ATCAY: variants seen among roughly 807,000 people sequenced by gnomAD.
The protein encoded by ATCAY is caytaxin.
Under a neutral mutation model 47.7 loss-of-function variants are expected in ATCAY, and 22 were observed. The observed-to-expected ratio is 0.46, with a 90% CI of 0.33 to 0.66. ATCAY has a LOEUF of 0.66. Ranked by LOEUF, ATCAY falls within the 30% of genes least tolerant of loss-of-function variation. ATCAY has a pLI of 0.02. For synonymous variants in ATCAY, 216 were observed against 207.6 expected (o/e 1.04, Z -0.35); for missense variants, 452 against 515.0 (o/e 0.88, Z 1.18).
intron 2 of ATCAY, among the ~76,000 whole-genome samples, chr19:3,894,529 T>C (rs2038747922): frequency 6.9e-6 from 1 of 145,278 alleles, no homozygotes; most frequent in African/African-American, 2.6e-5. Context: ...TAGTGTGTGC[T>C]GGTAGTCCCA....
Position 3,907,589 on chromosome 19 carries a change from T to C in ATCAY, c.359-145T>C. The C allele has an allele frequency of 1.0e-6, 1 of 972,152 alleles. No homozygotes were observed. Among genetic ancestry groups the C allele is most frequent in the Admixed American group, 2.7e-5 (1 of 36,966 alleles). 60.2% of individuals were successfully genotyped at this position (972,152 alleles called of 1,614,324 possible). On this transcript the variant is annotated intron_variant, in intron 4 of 12. Transcript: ENST00000450849. This position sits in a 1 kb window ranked among gnomAD's most constrained non-coding sequence, Gnocchi z 5.1. ...AAGGGGAGTAGGAGAGGAAAATGGGTCAGCAGGGCAGCCAGGTGGGGAGAA... is the reference window on the plus strand; with the variant it reads ...AAGGGGAGTAGGAGAGGAAAATGGGCCAGCAGGGCAGCCAGGTGGGGAGAA...
intron 8 of ATCAY, 39 bp downstream of exon 8, chr19:3,910,928 A>G (rs1031890932): frequency 4.4e-6 from 7 of 1,593,724 alleles, no homozygotes; most frequent in African/African-American, 1.3e-5. Flanking sequence ...CAGTGGCCTC[A>G]GTGTGCGTGT....
At position 3,917,584 on chromosome 19, in the gene ATCAY, C is replaced by CAAAAAAAAA. The variant is rs71166940; in HGVS notation, c.966-140_966-132dup. Among the ~76,000 whole-genome samples the CAAAAAAAAA allele has an allele frequency of 6.1e-4, 25 of 40,824 alleles. 1 individual carries two copies. The highest frequency in any genetic ancestry group is 2.0e-3 in the African/African-American group (19 of 9,580). 26.8% of individuals were successfully genotyped at this position (40,824 alleles called of 152,430 possible). On this transcript the variant is annotated intron_variant, in intron 9 of 12. Coordinates refer to ENST00000450849, the MANE Select transcript of ATCAY (RefSeq NM_033064.5). ...TGGGCGACAGTGCAAGACTCCATCT[C>CAAAAAAAAA]AAAAAAAAAAAAAAAAAAAAAAAAA...
chr19:3,917,064 C>T (rs1269850386), intron 9 of ATCAY, among the ~76,000 whole-genome samples: 1 of 152,112 alleles, frequency 6.6e-6, no homozygotes, highest in Non-Finnish European at 1.5e-5. Flanking sequence ...GCCTCGGCCT[C>T]CCAAAGTTCT....
At chr19:3,906,282 G>A (rs1017338370) in intron 4 of ATCAY, among the ~76,000 whole-genome samples, 10 of 151,588 alleles carry the variant, frequency 6.6e-5, no homozygotes, top group Non-Finnish European at 1.5e-4. Flanking sequence ...GCCAGGAGGA[G>A]GGTCCATCCG....
At position 3,902,384 on chromosome 19, in the gene ATCAY, C is replaced by T. The variant is rs2038822971; in HGVS notation, c.78-103C>T. ...GAACTAAATGTGTTTTGCTTTTGTT[C>T]TTGTCTGACTCGCCTGGCTGGACCT... On this transcript the variant is annotated intron_variant, in intron 2 of 12. Transcript: ENST00000450849. 4.6e-6 allele frequency: 5 copies of T among 1,076,166 alleles called. No individual in the cohort carries two copies. In the South Asian group the frequency reaches 6.7e-5, roughly 14 times the overall value. The allele number at this position is 1,076,166 out of a possible 1,614,324, so 66.7% of individuals were successfully genotyped here.
At chr19:3,917,582 C>G (rs1363859666) in intron 9 of ATCAY, among the ~76,000 whole-genome samples, 160 bp from the exon 10 acceptor site, 1 of 30,326 alleles carries the variant, frequency 3.3e-5, no homozygotes, top group Non-Finnish European at 5.3e-5. Flanking sequence ...AAGACTCCAT[C>G]TCAAAAAAAA....
At chr19:3,885,109 TAAAAAAAAAAAA>T (rs34258948) in intron 1 of ATCAY, among the ~76,000 whole-genome samples, 3 of 70,312 alleles carry the variant, frequency 4.3e-5, no homozygotes, top group South Asian at 4.8e-4. Context: ...TTTTTTTTTT[TAAAAAAAAAAAA>T]AAAAAAAAAA....
chr19:3,885,123 A>AC (rs1296290679), intron 1 of ATCAY, among the ~76,000 whole-genome samples: 7 of 149,584 alleles, frequency 4.7e-5, no homozygotes, highest in Admixed American at 6.7e-5. Context: ...AAAAAAAAAA[A>AC]AAAAAAAAAA....
chr19:3,906,590 A>T (rs2038863307), intron 4 of ATCAY, among the ~76,000 whole-genome samples: 1 of 151,946 alleles, frequency 6.6e-6, no homozygotes, highest in Non-Finnish European at 1.5e-5. Flanking sequence ...GGTGTGAGCC[A>T]CGGCGCCCAG....
rs1477293120 is a variant in ATCAY, at chr19:3,923,835, G to GAT, written c.1107-748_1107-747insAT. On this transcript the variant is annotated intron_variant, in intron 12 of 12. Coordinates refer to ENST00000450849, the MANE Select transcript of ATCAY (RefSeq NM_033064.5). ...AGATGGATGAATGGATGGGTGGGTG[G>GAT]GTGGATGGATGGATGGATGGATGGA... 6.3e-4 allele frequency among the ~76,000 whole-genome samples: 95 copies of GAT among 150,884 alleles called. 1 individual carries two copies. Among genetic ancestry groups the GAT allele is most frequent in the African/African-American group, 2.2e-3 (91 of 40,990 alleles).
intron 2 of ATCAY, among the ~76,000 whole-genome samples, chr19:3,888,579 G>A (rs371065514): frequency 1.8e-3 from 278 of 152,138 alleles, no homozygotes; most frequent in African/African-American, 6.3e-3. Context: ...GCAGTGAGCC[G>A]AGATCGCGCC....
intron 11 of ATCAY, among the ~76,000 whole-genome samples, chr19:3,919,819 G>T (rs148477454): frequency 7.2e-5 from 11 of 151,922 alleles, no homozygotes; most frequent in Non-Finnish European, 1.5e-4. Context: ...TCATAATGAT[G>T]AAAGGTGACC....
At chr19:3,917,465 G>A (rs184385193) in intron 9 of ATCAY, among the ~76,000 whole-genome samples, 3 of 150,294 alleles carry the variant, frequency 2.0e-5, no homozygotes, top group African/African-American at 4.9e-5. Flanking sequence ...GTGCCTGTAA[G>A]TCCCAGCTAC....
intron 12 of ATCAY, among the ~76,000 whole-genome samples, chr19:3,922,986 C>T (rs2039033491): frequency 6.6e-6 from 1 of 152,116 alleles, no homozygotes; most frequent in Non-Finnish European, 1.5e-5. Flanking sequence ...ACCTCGTGAT[C>T]CACCCGCTTC....
intron 2 of ATCAY, 150 bp from the exon 3 acceptor site, chr19:3,902,337 A>G (rs1466007841): frequency 4.1e-6 from 3 of 732,600 alleles, no homozygotes; most frequent in Non-Finnish European, 7.2e-6. Flanking sequence ...AAATGTATAT[A>G]TTTAGGTCCA....
At chr19:3,918,087 C>G (rs1465479464) in intron 10 of ATCAY, among the ~76,000 whole-genome samples, 1 of 152,056 alleles carries the variant, frequency 6.6e-6, no homozygotes. Context: ...GCATAAAAGT[C>G]AAGACGGGCG....
chr19:3,890,295 C>T (rs1158377955), intron 2 of ATCAY, among the ~76,000 whole-genome samples: 3 of 116,280 alleles, frequency 2.6e-5, no homozygotes, highest in Admixed American at 1.1e-4. Context: ...CAAAGTCTCA[C>T]TCTGTCACCT....
At chr19:3,906,167 TCTCAAAAAAAAAAA>T (rs1386766526) in intron 4 of ATCAY, among the ~76,000 whole-genome samples, 1 of 122,506 alleles carries the variant, frequency 8.2e-6, no homozygotes, top group Non-Finnish European at 1.7e-5. Flanking sequence ...CGAGACTCCG[TCTCAAAAAAAAAAA>T]AAAAGAGAGA....
Sources: gnomAD v4.1 joint callset for allele counts (sites outside exome capture counted in the v4.1 genomes callset) on GRCh38, gnomAD v4.1.1 for gene constraint, Gnocchi (gnomAD v3.1) non-coding constraint, MANE v1.5 for transcripts, NCBI Gene and HGNC (gene_info 2026-07-23, HGNC 2026-07-21) for gene names.